Variants in USP12 observed in about 807,000 individuals in gnomAD.
The protein encoded by USP12 is ubiquitin carboxyl-terminal hydrolase 12.
A neutral mutation model predicts 45.5 loss-of-function variants in USP12; 19 were observed. The observed-to-expected ratio is 0.42, with a 90% CI of 0.29 to 0.61. The LOEUF (loss-of-function observed/expected upper bound fraction) is 0.61, where lower values mean the gene tolerates loss of function less well. Among genes scored for constraint, USP12 ranks in the 20% least tolerant of loss-of-function variants. The probability of loss-of-function intolerance (pLI) is 0.22; values close to 1 mark genes in which losing one functional copy is unlikely to be tolerated. For missense variants in USP12, 242 were observed against 447.7 expected, an observed-to-expected ratio of 0.54 and a Z score of 4.15; for synonymous variants, 149 against 148.8, an observed-to-expected ratio of 1.00 and a Z score of -0.01.
rs992545062 is a variant in USP12 at position 27,129,482 on chromosome 13, G to A, written c.49-12886C>T. Among the ~76,000 whole-genome samples the A allele has an allele frequency of 3.9e-5, 6 of 152,148 alleles. No individual in the cohort carries two copies. Among genetic ancestry groups the A allele is most frequent in the Non-Finnish European group, 7.3e-5 (5 of 68,030 alleles). On this transcript the variant is annotated intron_variant, in intron 1 of 8. Coordinates refer to ENST00000282344, the MANE Select transcript of USP12 (RefSeq NM_182488.4). The surrounding 1 kb of genome is among the most constrained non-coding windows in gnomAD (Gnocchi z 4.0). ...TTCATGCCCATAATACCAGCACTTT[G>A]GGAAGTCAGAGCAGGAGGACTGCTT...
At chr13:27,103,412 T>TA (rs143113553) in intron 3 of USP12, among the ~76,000 whole-genome samples, 7,166 of 151,882 alleles carry the variant, frequency 0.047, 528 homozygotes, top group African/African-American at 0.16. Flanking sequence ...GCTTTTCTAT[T>TA]AAAAAAATGG....
chr13:27,116,621 T>C (rs1289500208), intron 1 of USP12, 25 bp from the exon 2 acceptor site: 3 of 1,603,474 alleles, frequency 1.9e-6, no homozygotes, highest in African/African-American at 1.3e-5. Flanking sequence ...ACAAAAATCT[T>C]AGTATTTATA....
intron 2 of USP12, among the ~76,000 whole-genome samples, chr13:27,109,153 T>C (rs1400186784): frequency 6.6e-6 from 1 of 152,164 alleles, no homozygotes; most frequent in African/African-American, 2.4e-5. Context: ...GTCCAGTGAA[T>C]AAAATCAGAA....
intron 1 of USP12, among the ~76,000 whole-genome samples, chr13:27,155,365 G>C (rs1231957603): frequency 6.6e-6 from 1 of 152,042 alleles, no homozygotes; most frequent in Non-Finnish European, 1.5e-5. Context: ...ACAGGTGTGA[G>C]CCACTGCACC....
intron 6 of USP12, among the ~76,000 whole-genome samples, chr13:27,079,700 A>G (rs1009000438): frequency 2.0e-5 from 3 of 152,232 alleles, no homozygotes; most frequent in African/African-American, 7.2e-5. Flanking sequence ...TGTGTGAGCC[A>G]GAGTTCTTTA....
intron 1 of USP12, chr13:27,168,925 A>C (rs1878464803): frequency 6.6e-6 from 1 of 152,168 alleles, no homozygotes; most frequent in Non-Finnish European, 1.5e-5. Flanking sequence ...CTCATCCTAA[A>C]TGTTTTCACA....
intron 4 of USP12, among the ~76,000 whole-genome samples, chr13:27,094,735 C>A (rs1442049892): frequency 6.7e-6 from 1 of 148,524 alleles, no homozygotes. Flanking sequence ...GTGAGGGAGG[C>A]ATATTCTCAA....
At chr13:27,086,197 A>AAATAT (rs1555233235) in intron 6 of USP12, among the ~76,000 whole-genome samples, 20 of 56,932 alleles carry the variant, frequency 3.5e-4, no homozygotes, top group South Asian at 1.5e-3. Flanking sequence ...AAAAAAAAAA[A>AAATAT]ATATATATAT....
chr13:27,075,695 C>T (rs1873446401), intron 6 of USP12, among the ~76,000 whole-genome samples: 1 of 152,052 alleles, frequency 6.6e-6, no homozygotes, highest in South Asian at 2.1e-4. Context: ...TTCAAACACA[C>T]GTCTCTTATA....
At chr13:27,123,066 T>C (rs1876070861) in intron 1 of USP12, among the ~76,000 whole-genome samples, 1 of 149,396 alleles carries the variant, frequency 6.7e-6, no homozygotes, top group Non-Finnish European at 1.5e-5. Context: ...CACTCCAGCC[T>C]GGATGACAGA....
At chr13:27,114,723 A>C (rs1029779926) in intron 2 of USP12, among the ~76,000 whole-genome samples, 4 of 151,770 alleles carry the variant, frequency 2.6e-5, no homozygotes, top group Non-Finnish European at 5.9e-5. Context: ...ACTCTGTTTA[A>C]TTTTCTGCTA....
intron 1 of USP12, among the ~76,000 whole-genome samples, chr13:27,139,926 A>G (rs565465078): frequency 5.6e-4 from 86 of 152,378 alleles, no homozygotes; most frequent in African/African-American, 2.0e-3. Context: ...AACAAGTGAT[A>G]GTAAAAAAGA....
At chr13:27,145,992 A>T (rs1347240267) in intron 1 of USP12, among the ~76,000 whole-genome samples, 2 of 152,212 alleles carry the variant, frequency 1.3e-5, no homozygotes, top group Non-Finnish European at 2.9e-5. Flanking sequence ...TACCAGTTAC[A>T]GGTAATTATT....
At chr13:27,079,827 C>A (rs1873666771) in intron 6 of USP12, among the ~76,000 whole-genome samples, 2 of 152,294 alleles carry the variant, frequency 1.3e-5, no homozygotes, top group South Asian at 2.1e-4. Flanking sequence ...GTCCTGACCA[C>A]ACAGAAAAGC....
chr13:27,135,770 T>C (rs1317960909), intron 1 of USP12, among the ~76,000 whole-genome samples: 1 of 152,178 alleles, frequency 6.6e-6, no homozygotes, highest in Non-Finnish European at 1.5e-5. Context: ...ACAAATCTGC[T>C]GCTATTATAC....
chr13:27,141,876 A>G (rs1877075987), intron 1 of USP12, among the ~76,000 whole-genome samples: 1 of 152,278 alleles, frequency 6.6e-6, no homozygotes, highest in African/African-American at 2.4e-5. Context: ...TCAACTGATG[A>G]GTTGAAGTCA....
chr13:27,114,783 A>C (rs1256573192), intron 2 of USP12, among the ~76,000 whole-genome samples: 2 of 152,024 alleles, frequency 1.3e-5, no homozygotes, highest in Non-Finnish European at 2.9e-5. Flanking sequence ...AAAAAAAAAA[A>C]AACAAACTTG....
At chr13:27,095,193 CT>C (rs757091747) in intron 4 of USP12, among the ~76,000 whole-genome samples, 1 of 152,012 alleles carries the variant, frequency 6.6e-6, no homozygotes, top group Non-Finnish European at 1.5e-5. Flanking sequence ...TTTTCCCCTC[CT>C]TGAGGGTACA....
chr13:27,089,790 T>C, intron 6 of USP12, 93 bp downstream of exon 6: 1 of 1,231,890 alleles, frequency 8.1e-7, no homozygotes, highest in Non-Finnish European at 1.1e-6. Context: ...TTTTACTCAA[T>C]GTAAATTTTC....
Sources: gnomAD v4.1 joint callset for allele counts (sites outside exome capture counted in the v4.1 genomes callset) on GRCh38, gnomAD v4.1.1 for gene constraint, Gnocchi (gnomAD v3.1) non-coding constraint, MANE v1.5 for transcripts, NCBI Gene and HGNC (gene_info 2026-07-23, HGNC 2026-07-21) for gene names.